DLG5: variants seen among roughly 807,000 people sequenced by gnomAD.
The protein encoded by DLG5 is discs large MAGUK scaffold protein 5.
DLG5 carries 48 observed loss-of-function variants against 189.8 expected under a neutral mutation model. That is an observed-to-expected ratio of 0.25 (90% CI 0.20 to 0.32). The LOEUF (loss-of-function observed/expected upper bound fraction) is 0.32. Among genes scored for constraint, DLG5 ranks in the 10% least tolerant of loss-of-function variants. The pLI is 1.00. For synonymous variants in DLG5, 1,016 were observed against 1,054.1 expected (o/e 0.96, Z 0.70); for missense variants, 2,160 against 2,544.7 (o/e 0.85, Z 3.25).
chr10:77,795,611 G>A (rs1378651789), intron 29 of DLG5, among the ~76,000 whole-genome samples: 1 of 152,066 alleles, frequency 6.6e-6, no homozygotes, highest in African/African-American at 2.4e-5. Context: ...CCCCGCCCTC[G>A]TGCTGCCTAG....
the DLG5 span, among the ~76,000 whole-genome samples, chr10:77,938,338 G>A: frequency 4.6e-5 from 7 of 152,170 alleles, no homozygotes; most frequent in South Asian, 2.1e-4. Context: ...GGCTGAGATC[G>A]GAGAATCACT....
Position 77,821,283 on chromosome 10 carries a change from G to A in DLG5, c.3201C>T (p.Arg1067=). ...PGEPMHASPP[R]KARVRIASSY... ...TGGAAGCAATGCGGACCCTGGCCTT[G>A]CGAGGGGGTGATGCGTGCATGGGCT... Residue 1067 remains arginine (R), a synonymous_variant, in exon 15 of 32, where the codon CGC becomes CGT. Transcript: ENST00000372391. 6.2e-7 allele frequency: 1 copy of A among 1,613,760 alleles called. No individual in the cohort carries two copies. The highest frequency in any genetic ancestry group is 1.1e-5 in the South Asian group (1 of 91,086).
chr10:77,832,000 G>C (rs1842915207), intron 9 of DLG5, among the ~76,000 whole-genome samples: 1 of 152,136 alleles, frequency 6.6e-6, no homozygotes, highest in Non-Finnish European at 1.5e-5. Context: ...TTGAGGTCAG[G>C]GGTTCAAGAC....
rs56722418 is a variant in DLG5, at chr10:77,820,350, G to GAA, written c.3403-334_3403-333dup. The GAA allele has an allele frequency of 4.7e-3, 684 of 144,124 alleles. 1 individual carries two copies. Among genetic ancestry groups the GAA allele is most frequent in the South Asian group, 8.6e-3 (42 of 4,892 alleles). The allele number at this position is 144,124 out of a possible 1,614,324, so 8.9% of individuals were successfully genotyped here. On this transcript the variant is annotated intron_variant, in intron 15 of 31. Coordinates refer to ENST00000372391, the MANE Select transcript of DLG5 (RefSeq NM_004747.4). ...GACAGAGTGAGACTCCATCTTAGGG[G>GAA]AAAAAAAAAAAAAAAACCAAACAGT...
intron 1 of DLG5, among the ~76,000 whole-genome samples, chr10:77,917,105 C>G (rs1044521904): frequency 6.6e-6 from 1 of 151,726 alleles, no homozygotes; most frequent in African/African-American, 2.4e-5. Flanking sequence ...GAGGCCAAGG[C>G]GGCCAGATCG....
chr10:77,810,681 C>T (rs895606526), intron 23 of DLG5, among the ~76,000 whole-genome samples: 14 of 152,210 alleles, frequency 9.2e-5, no homozygotes, highest in Non-Finnish European at 1.3e-4. Flanking sequence ...CTGCGGCGGC[C>T]GGCAGTGCCC....
At chr10:77,809,207 G>A (rs1004091279) in intron 24 of DLG5, among the ~76,000 whole-genome samples, 1 of 152,020 alleles carries the variant, frequency 6.6e-6, no homozygotes, top group East Asian at 1.9e-4. Flanking sequence ...AGGAGTTTGA[G>A]ACCAGCCTGG....
intron 13 of DLG5, among the ~76,000 whole-genome samples, chr10:77,824,957 C>A (rs1480526769): frequency 1.3e-5 from 2 of 152,210 alleles, no homozygotes; most frequent in Non-Finnish European, 2.9e-5. Flanking sequence ...AACCTCTCAA[C>A]CCTGCTCCCG....
intron 29 of DLG5, 63 bp from the exon 30 acceptor site, chr10:77,795,021 G>T: frequency 7.3e-7 from 1 of 1,373,804 alleles, no homozygotes; most frequent in Non-Finnish European, 1.0e-6. Context: ...CCCCTGTCCT[G>T]CCACCAGCAG....
Position 77,833,569 on chromosome 10 carries a change from G to A in DLG5, c.1748+345C>T, listed in dbSNP as rs970443540. The stretch of plus-strand genomic sequence containing the variant: ...CGAGTGAGTGAGTGAGTGAGTGAGT[G>A]AGTGAGTAGGGGAATGAATGAATGG... On this transcript the variant is annotated intron_variant, in intron 9 of 31. Transcript: ENST00000372391. Among the ~76,000 whole-genome samples, 5 of 140,912 alleles carry A rather than the reference G, an allele frequency of 3.5e-5. No individual in the cohort carries two copies. In the East Asian group the frequency reaches 1.1e-3, roughly 30 times the overall value. The allele number at this position is 140,912 out of a possible 152,430, so 92.4% of individuals were successfully genotyped here.
At position 77,902,979 on chromosome 10, in the gene DLG5, G is replaced by A. The variant is rs150355223; in HGVS notation, c.304+23238C>T. On this transcript the variant is annotated intron_variant, in intron 1 of 31. Coordinates refer to ENST00000372391, the MANE Select transcript of DLG5 (RefSeq NM_004747.4). ...TCAAAAAATAAATAAATAAATAAACGAGCCATTGAGCATCCCTCATTCAAA... is the reference window on the plus strand; with the variant it reads ...TCAAAAAATAAATAAATAAATAAACAAGCCATTGAGCATCCCTCATTCAAA... Among the ~76,000 whole-genome samples, 63 of 152,218 alleles carry A rather than the reference G, an allele frequency of 4.1e-4. No homozygotes were observed. The East Asian group carries it at 0.011, about 26-fold the overall frequency.
chr10:77,935,990 G>A, the DLG5 span, among the ~76,000 whole-genome samples: 2 of 152,236 alleles, frequency 1.3e-5, no homozygotes, highest in South Asian at 4.1e-4. Context: ...ACCTTTTTAG[G>A]AATGCTATAT....
chr10:77,865,583 T>G (rs1220389879), intron 2 of DLG5, among the ~76,000 whole-genome samples: 1 of 152,140 alleles, frequency 6.6e-6, no homozygotes, highest in Non-Finnish European at 1.5e-5. Context: ...CCTCCCCAGT[T>G]TTCCAAGATG....
chr10:77,854,229 G>A lies in DLG5; in HGVS notation c.678C>T (p.Tyr226=), dbSNP rs2154576691. 4.3e-6 allele frequency: 7 copies of A among 1,614,046 alleles called. No individual in the cohort carries two copies. The East Asian group carries it at 1.6e-4, about 36-fold the overall frequency. The change falls in exon 4 of 32, where the codon TAC becomes TAT. Residue 226 remains tyrosine (Y), a splice_region_variant and synonymous_variant. Coordinates refer to ENST00000372391, the MANE Select transcript of DLG5 (RefSeq NM_004747.4). ...CEEVAKETDF[Y]HTLHSRLLSD... The stretch of plus-strand genomic sequence containing the variant: ...CTGGCCAAGCAGGCCTCACTCACTG[G>A]TAGAAGTCAGTCTCCTTGGCCACCT...
At chr10:77,919,525 G>A (rs1846472588) in intron 1 of DLG5, among the ~76,000 whole-genome samples, 1 of 138,428 alleles carries the variant, frequency 7.2e-6, no homozygotes, top group Non-Finnish European at 1.5e-5. Flanking sequence ...GCACCAGGAA[G>A]CTAAAAGGCT....
rs1414404023 is a variant in DLG5 at position 77,806,770 on chromosome 10, G to C, written c.4955C>G (p.Pro1652Arg). 1 of 1,611,178 alleles carries C rather than the reference G, an allele frequency of 6.2e-7. No individual in the cohort carries two copies. Among genetic ancestry groups the C allele is most frequent in the African/African-American group, 1.3e-5 (1 of 74,954 alleles). Reference protein sequence around the residue: ...NAQKIQRGQIPSKYVMDQEFS... With the variant: ...NAQKIQRGQIRSKYVMDQEFS... ...GGAGAACACTTACACATATTTGCTG[G>C]GAATCTGCCCGCGCTGGATCTTCTG... is the stretch of plus-strand genomic sequence containing the variant. The change falls in exon 26 of 32, where the codon CCC becomes CGC. Residue 1652 changes from proline to arginine, a missense_variant. Physicochemically the swap from Pro to Arg is moderately radical, Grantham distance 103. This residue lies in a region of DLG5 where 574 missense variants were observed against 644.2 expected (regional missense o/e 0.89). Coordinates refer to ENST00000372391, the MANE Select transcript of DLG5 (RefSeq NM_004747.4).
chr10:77,861,604 A>C (rs1185849170), intron 2 of DLG5, among the ~76,000 whole-genome samples: 1 of 152,230 alleles, frequency 6.6e-6, no homozygotes, highest in African/African-American at 2.4e-5. Context: ...ACATGTGCCA[A>C]GCACTGCCCA....
chr10:77,859,586 G>C (rs770281355), intron 2 of DLG5, among the ~76,000 whole-genome samples: 9 of 152,226 alleles, frequency 5.9e-5, no homozygotes, highest in Non-Finnish European at 1.3e-4. Context: ...ATGCTGTACA[G>C]GTTTGCAGCT....
At chr10:77,793,700 G>A in intron 31 of DLG5, 2 of 379,200 alleles carry the variant, frequency 5.3e-6, no homozygotes, top group Non-Finnish European at 9.6e-6. Flanking sequence ...CCCTGCCTGG[G>A]GACACTGTGG....
Sources: allele counts gnomAD v4.1 joint callset (sites outside exome capture counted in the v4.1 genomes callset), GRCh38; gene constraint gnomAD v4.1.1; regional missense constraint gnomAD v4.1.1; transcripts MANE v1.5; gene names NCBI Gene and HGNC (gene_info 2026-07-23, HGNC 2026-07-21).